Variants in KSR2 observed in about 807,000 individuals in gnomAD.
The protein encoded by KSR2 is kinase suppressor of ras 2.
KSR2 carries 25 observed loss-of-function variants against 107.8 expected under a neutral mutation model. The ratio of observed to expected loss-of-function variants is 0.23; its 90% CI spans 0.17 to 0.32. The LOEUF (loss-of-function observed/expected upper bound fraction) is 0.32. Among genes scored for constraint, KSR2 ranks in the 10% least tolerant of loss-of-function variants. KSR2 has a pLI of 1.00. For synonymous variants in KSR2, 480 were observed against 507.0 expected (o/e 0.95, Z 0.71); for missense variants, 887 against 1,268.9 (o/e 0.70, Z 4.57).
chr12:117,820,518 A>G (rs1891528736), intron 3 of KSR2, among the ~76,000 whole-genome samples: 1 of 152,178 alleles, frequency 6.6e-6, no homozygotes, highest in South Asian at 2.1e-4. Context: ...AAATCACTAA[A>G]TCAGATCGTT....
intron 4 of KSR2, among the ~76,000 whole-genome samples, chr12:117,695,210 T>C (rs745717793): frequency 2.0e-5 from 3 of 151,274 alleles, no homozygotes; most frequent in Non-Finnish European, 4.4e-5. Flanking sequence ...GAAAATAGAG[T>C]GATGGTTGGC....
Position 117,870,967 on chromosome 12 carries a change from C to T in KSR2, c.181-10536G>A, listed in dbSNP as rs181725206. Among the ~76,000 whole-genome samples, 51 of 152,310 alleles carry T rather than the reference C, an allele frequency of 3.3e-4. 1 individual carries two copies. Among genetic ancestry groups the T allele is most frequent in the Admixed American group, 2.9e-3 (45 of 15,300 alleles). On this transcript the variant is annotated intron_variant, in intron 1 of 19. Coordinates refer to ENST00000339824, the MANE Select transcript of KSR2 (RefSeq NM_173598.6). ...GTGTGAAGCTGTGTTGGGCAGAGAT[C>T]GAGCAGTGCTTCCCAAACAGGGATC...
intron 1 of KSR2, among the ~76,000 whole-genome samples, chr12:117,895,845 G>C (rs1894493492): frequency 6.6e-6 from 1 of 152,192 alleles, no homozygotes; most frequent in Non-Finnish European, 1.5e-5. Context: ...GATCATCTGA[G>C]GTCAGGAGTT....
Position 117,454,319 on chromosome 12 carries a change from G to A in KSR2, c.*12880C>T, listed in dbSNP as rs1271787285. 1.3e-5 allele frequency: 2 copies of A among 151,804 alleles called. No homozygotes were observed. The highest frequency in any genetic ancestry group is 2.4e-5 in the African/African-American group (1 of 41,054). The allele number at this position is 151,804 out of a possible 1,614,324, so 9.4% of individuals were successfully genotyped here. A position where few individuals can be genotyped will look rare whatever the true frequency, so the allele number is the denominator to read the frequency against. On this transcript the variant is annotated 3_prime_UTR_variant, in exon 20 of 20. Transcript: ENST00000339824. ...CTGCTGATGCTGAGAAAGTGTTGATGAAATCATTATCCACAATAGACAGTG... is the reference window on the plus strand; with the variant it reads ...CTGCTGATGCTGAGAAAGTGTTGATAAAATCATTATCCACAATAGACAGTG...
chr12:117,834,663 G>A (rs1311460688), intron 3 of KSR2, among the ~76,000 whole-genome samples: 1 of 152,124 alleles, frequency 6.6e-6, no homozygotes, highest in African/African-American at 2.4e-5. Context: ...CTCCTCCTCT[G>A]GGCTTCCCAG....
intron 4 of KSR2, among the ~76,000 whole-genome samples, chr12:117,680,342 T>C (rs1885315845): frequency 6.6e-6 from 1 of 152,224 alleles, no homozygotes; most frequent in African/African-American, 2.4e-5. Flanking sequence ...TGAATATTCT[T>C]CTCATCAGCC....
At chr12:117,835,716 G>C (rs942718783) in intron 3 of KSR2, among the ~76,000 whole-genome samples, 3 of 152,010 alleles carry the variant, frequency 2.0e-5, no homozygotes, top group African/African-American at 4.8e-5. Flanking sequence ...GCATCCAGTG[G>C]GTAGAGGCCA....
chr12:117,855,456 G>C lies in KSR2; in HGVS notation c.444C>G (p.Leu148=). ...REECARLNAS[L]SCLRNVHMSG... ...ACATGTGGACATTCCTGAGGCAGGA[G>C]AGGGAGGCGTTGAGGCGGGCACACT... The change falls in exon 3 of 20, where the codon CTC becomes CTG. Residue 148 remains leucine (L), a synonymous_variant. Transcript: ENST00000339824. The C allele has an allele frequency of 1.2e-6, 2 of 1,614,054 alleles. No homozygotes were observed. The highest frequency in any genetic ancestry group is 1.7e-6 in the Non-Finnish European group (2 of 1,179,898).
chr12:117,629,416 T>C (rs982594781), intron 5 of KSR2, among the ~76,000 whole-genome samples: 1 of 152,246 alleles, frequency 6.6e-6, no homozygotes, highest in Non-Finnish European at 1.5e-5. Flanking sequence ...AGGTGTTTTT[T>C]GTGGTCTAAT....
At chr12:117,693,951 C>T (rs1299829327) in intron 4 of KSR2, among the ~76,000 whole-genome samples, 1 of 152,176 alleles carries the variant, frequency 6.6e-6, no homozygotes, top group Non-Finnish European at 1.5e-5. Flanking sequence ...CTTCCAATTC[C>T]ATATTCTTTG....
intron 5 of KSR2, among the ~76,000 whole-genome samples, chr12:117,640,411 C>T (rs945753184): frequency 6.6e-6 from 1 of 151,448 alleles, no homozygotes; most frequent in South Asian, 2.1e-4. Context: ...CCACCACGCC[C>T]GGCTAAATTT....
At position 117,818,556 on chromosome 12, in the gene KSR2, C is replaced by T. The variant is rs554493649; in HGVS notation, c.472+36872G>A. ...TGAGCTCATATTGTGGCTGGGAGAA[C>T]GCAGTGAATGAGCCCATAGCAAGTG... On this transcript the variant is annotated intron_variant, in intron 3 of 19. Transcript: ENST00000339824. Among the ~76,000 whole-genome samples, 24 of 152,242 alleles carry T rather than the reference C, an allele frequency of 1.6e-4. No individual in the cohort carries two copies. The South Asian group carries it at 1.7e-3, about 11-fold the overall frequency.
intron 5 of KSR2, among the ~76,000 whole-genome samples, chr12:117,656,685 C>T (rs1297239797): frequency 6.6e-6 from 1 of 152,050 alleles, no homozygotes; most frequent in Non-Finnish European, 1.5e-5. Flanking sequence ...ACAATCTAAT[C>T]AGCTTCCAGT....
At chr12:117,753,961 T>A (rs1472012218) in intron 4 of KSR2, among the ~76,000 whole-genome samples, 1 of 120,022 alleles carries the variant, frequency 8.3e-6, no homozygotes, top group Admixed American at 8.3e-5. Flanking sequence ...TGTGTGTGTG[T>A]GTGTGTGTGT....
At chr12:117,485,792 C>A in intron 14 of KSR2, 101 bp from the exon 15 acceptor site, 1 of 776,398 alleles carries the variant, frequency 1.3e-6, no homozygotes, top group Non-Finnish European at 2.2e-6. Context: ...GACACGTGGA[C>A]ATGCCACTAT....
intron 7 of KSR2, among the ~76,000 whole-genome samples, chr12:117,570,154 C>T (rs1746955041): frequency 6.6e-6 from 1 of 152,170 alleles, no homozygotes; most frequent in African/African-American, 2.4e-5. Flanking sequence ...AGGCGCCTGC[C>T]ACCGCGCCCG....
In KSR2 at chr12:117,731,037, G is replaced by A. The variant is rs535558011; in HGVS notation, c.986+29974C>T. Among the ~76,000 whole-genome samples the A allele has an allele frequency of 1.7e-3, 251 of 149,788 alleles. 1 individual carries two copies. Among genetic ancestry groups the A allele is most frequent in the African/African-American group, 5.9e-3 (238 of 40,574 alleles). ...TGGGAAGTGAGGAGCACCTCTTCCCGGCCGCCATCCCGTCTAGGAAGTGAG... is the reference window on the plus strand; with the variant it reads ...TGGGAAGTGAGGAGCACCTCTTCCCAGCCGCCATCCCGTCTAGGAAGTGAG... On this transcript the variant is annotated intron_variant, in intron 4 of 19. Transcript: ENST00000339824.
intron 3 of KSR2, among the ~76,000 whole-genome samples, chr12:117,789,998 A>C (rs530378470): frequency 1.3e-4 from 20 of 152,294 alleles, no homozygotes; most frequent in African/African-American, 4.6e-4. Context: ...GCTGGACCCT[A>C]GACCAATGCC....
Position 117,816,404 on chromosome 12 carries a change from C to A in KSR2, c.472+39024G>T, listed in dbSNP as rs115161792. ...TCATGGTGCAGAGACAAACTATCCC[C>A]TCTGTGTCCTGTCCCAATTGCTGAT... is the stretch of plus-strand genomic sequence containing the variant. On this transcript the variant is annotated intron_variant, in intron 3 of 19. Coordinates refer to ENST00000339824, the MANE Select transcript of KSR2 (RefSeq NM_173598.6). 4.1e-3 allele frequency among the ~76,000 whole-genome samples: 618 copies of A among 152,298 alleles called. 6 individuals carry two copies. Among genetic ancestry groups the A allele is most frequent in the African/African-American group, 0.014 (588 of 41,568 alleles).
Sources: gnomAD v4.1 joint callset for allele counts (sites outside exome capture counted in the v4.1 genomes callset) on GRCh38, gnomAD v4.1.1 for gene constraint, MANE v1.5 for transcripts, NCBI Gene and HGNC (gene_info 2026-07-23, HGNC 2026-07-21) for gene names.